SMARCA4: variants seen among roughly 807,000 people sequenced by gnomAD.
SMARCA4 encodes the protein SWI/SNF-related matrix-associated actin-dependent regulator of chromatin subfamily A member 4.
A neutral mutation model predicts 193.9 loss-of-function variants in SMARCA4; 31 were observed. The ratio of observed to expected loss-of-function variants is 0.16; its 90% CI spans 0.12 to 0.22. The LOEUF (loss-of-function observed/expected upper bound fraction) is 0.22, where lower values mean the gene tolerates loss of function less well. Among genes scored for constraint, SMARCA4 ranks in the 10% least tolerant of loss-of-function variants. The probability of loss-of-function intolerance (pLI) is 1.00; values close to 1 mark genes in which losing one functional copy is unlikely to be tolerated. For synonymous variants in SMARCA4, 942 were observed against 933.1 expected (o/e 1.01, Z -0.17); for missense variants, 1,148 against 2,296.0 (o/e 0.50, Z 10.22).
At chr19:11,037,351 C>G (rs2075326655) in intron 29 of SMARCA4, among the ~76,000 whole-genome samples, 2 of 152,188 alleles carry the variant, frequency 1.3e-5, no homozygotes, top group African/African-American at 4.8e-5. Context: ...TTCTAGCCAT[C>G]CCAGCACGTA....
chr19:11,008,423 G>T (rs1456643557), intron 14 of SMARCA4: 4 of 343,164 alleles, frequency 1.2e-5, no homozygotes, highest in Non-Finnish European at 2.3e-5. Context: ...CATATCTCCA[G>T]TGTACATTGG....
intron 11 of SMARCA4, among the ~76,000 whole-genome samples, chr19:11,001,958 G>T (rs1280098111): frequency 2.0e-5 from 3 of 151,890 alleles, no homozygotes; most frequent in African/African-American, 4.8e-5. Context: ...TAACAAAAAA[G>T]AATGAGGACC....
intron 13 of SMARCA4, among the ~76,000 whole-genome samples, chr19:11,003,983 A>G (rs1465091324): frequency 6.6e-6 from 1 of 151,802 alleles, no homozygotes; most frequent in Non-Finnish European, 1.5e-5. Flanking sequence ...AAGTGCTGGG[A>G]TTACAGACAT....
intron 6 of SMARCA4, among the ~76,000 whole-genome samples, chr19:10,988,550 C>T (rs2086269983): frequency 6.6e-6 from 1 of 152,210 alleles, no homozygotes; most frequent in African/African-American, 2.4e-5. Flanking sequence ...CTCTGTTCCT[C>T]TTTTCATTTA....
At chr19:11,046,825 G>A (rs538371559) in intron 30 of SMARCA4, among the ~76,000 whole-genome samples, 135 of 152,050 alleles carry the variant, frequency 8.9e-4, no homozygotes, top group Admixed American at 1.6e-3. Context: ...GCGTGGTGGT[G>A]CACTCCTGTT....
chr19:11,025,320 G>C, intron 21 of SMARCA4, 102 bp from the exon 22 acceptor site: 1 of 778,720 alleles, frequency 1.3e-6, no homozygotes, highest in Non-Finnish European at 2.3e-6. Context: ...TTCCCCACTA[G>C]AGCGTCCCCA....
At position 11,042,162 on chromosome 19, in the gene SMARCA4, C is replaced by G. The variant is rs566364211; in HGVS notation, c.4424+602C>G. Among the ~76,000 whole-genome samples the G allele has an allele frequency of 2.2e-4, 34 of 152,356 alleles. No homozygotes were observed. In the South Asian group the frequency reaches 7.0e-3, roughly 32 times the overall value. ...GAGATCGCTGTCCTCACAGACATGTCCTATATACGAGGCAGCATGCGGTTC... is the reference window on the plus strand; with the variant it reads ...GAGATCGCTGTCCTCACAGACATGTGCTATATACGAGGCAGCATGCGGTTC... On this transcript the variant is annotated intron_variant, in intron 30 of 34. Coordinates refer to ENST00000344626, the MANE Select transcript of SMARCA4 (RefSeq NM_003072.5).
chr19:11,056,534 G>C (rs2076557643), intron 30 of SMARCA4, among the ~76,000 whole-genome samples: 1 of 152,138 alleles, frequency 6.6e-6, no homozygotes. Flanking sequence ...CAGGCCAGGA[G>C]ATTCACTCCC....
At position 11,012,967 on chromosome 19, in the gene SMARCA4, C is replaced by T. The variant is rs1555774640; in HGVS notation, c.2293C>T (p.Leu765=). 6.2e-7 allele frequency: 1 copy of T among 1,614,052 alleles called. No homozygotes were observed. The highest frequency in any genetic ancestry group is 1.7e-5 in the Admixed American group (1 of 59,998). Residue 765 remains leucine, a synonymous_variant, in exon 16 of 35, where the codon CTG becomes TTG. Coordinates refer to ENST00000344626, the MANE Select transcript of SMARCA4 (RefSeq NM_003072.5). ...KQYQIKGLEW[L]VSLYNNNLNG... ...CTTGCAGATCAAAGGTTTGGAGTGG[C>T]TGGTGTCCCTGTACAACAACAACCT...
intron 19 of SMARCA4, 87 bp downstream of exon 19, chr19:11,022,054 G>A: frequency 6.3e-7 from 1 of 1,588,592 alleles, no homozygotes; most frequent in Non-Finnish European, 8.6e-7. Flanking sequence ...AGCTACAGCT[G>A]GCTGGGCCTG....
At position 10,995,672 on chromosome 19, in the gene SMARCA4, G is replaced by A. The variant is rs142682773; in HGVS notation, c.1594-541G>A. 1.6e-4 allele frequency: 59 copies of A among 371,344 alleles called. No homozygotes were observed. In the East Asian group the frequency reaches 2.9e-3, roughly 18 times the overall value. 23.0% of individuals were successfully genotyped at this position (371,344 alleles called of 1,614,324 possible). A position where few individuals can be genotyped will look rare whatever the true frequency, so the allele number is the denominator to read the frequency against. ...CAGGCAGCCATGTGCCAGGGCAGCCGGTAGCCCTGGGCTCCCAGAACAGCG... is the reference window on the plus strand; with the variant it reads ...CAGGCAGCCATGTGCCAGGGCAGCCAGTAGCCCTGGGCTCCCAGAACAGCG... On this transcript the variant is annotated intron_variant, in intron 9 of 34. Coordinates refer to ENST00000344626, the MANE Select transcript of SMARCA4 (RefSeq NM_003072.5).
intron 30 of SMARCA4, among the ~76,000 whole-genome samples, chr19:11,045,526 A>G (rs2075853486): frequency 6.6e-6 from 1 of 152,202 alleles, no homozygotes; most frequent in Non-Finnish European, 1.5e-5. Flanking sequence ...CACATGAGAT[A>G]TGTACACTTC....
At chr19:11,038,926 A>G (rs1427146483) in intron 29 of SMARCA4, among the ~76,000 whole-genome samples, 1 of 152,246 alleles carries the variant, frequency 6.6e-6, no homozygotes, top group African/African-American at 2.4e-5. Context: ...TAGCAACAAC[A>G]ATAAAAAAAG....
At chr19:11,018,325 G>A (rs1202909197) in intron 16 of SMARCA4, 2 of 192,452 alleles carry the variant, frequency 1.0e-5, no homozygotes, top group East Asian at 1.2e-4. Flanking sequence ...TAGGCTGTCG[G>A]TCTCAGGTGA....
intron 21 of SMARCA4, 145 bp from the exon 22 acceptor site, chr19:11,025,276 TC>T: frequency 1.5e-6 from 1 of 671,210 alleles, no homozygotes; most frequent in South Asian, 1.6e-5. Context: ...GCCTGCCATC[TC>T]CTCACTCCCA....
rs2146699677 is a variant in SMARCA4 at position 11,035,009 on chromosome 19, G to A, written c.4047G>A (p.Lys1349=). The A allele has an allele frequency of 6.2e-7, 1 of 1,611,944 alleles. No homozygotes were observed. The highest frequency in any genetic ancestry group is 8.5e-7 in the Non-Finnish European group (1 of 1,179,412). Residue 1349 remains lysine (K), a synonymous_variant, in exon 29 of 35, where the codon AAG becomes AAA. Transcript: ENST00000344626. ...EEDELPSWII[K]DDAEVERLTC... is the part of the protein sequence containing the mutation. ...ACGAGCTCCCCTCGTGGATCATCAA[G>A]GACGACGCGGAGGTGGAGCGGCTGA...
chr19:11,046,018 T>TC (rs2075886516), intron 30 of SMARCA4, among the ~76,000 whole-genome samples: 1 of 152,026 alleles, frequency 6.6e-6, no homozygotes, highest in Admixed American at 6.6e-5. Context: ...GGCCAGGAGA[T>TC]CAAGACCATG....
At chr19:11,007,284 G>A (rs2146175432) in intron 13 of SMARCA4, among the ~76,000 whole-genome samples, 1 of 152,246 alleles carries the variant, frequency 6.6e-6, no homozygotes, top group South Asian at 2.1e-4. Context: ...ACAAAAATTA[G>A]CCAGGCATGG....
chr19:10,997,330 C>T (rs1030594098), intron 11 of SMARCA4, among the ~76,000 whole-genome samples: 2 of 151,920 alleles, frequency 1.3e-5, no homozygotes, highest in African/African-American at 4.8e-5. Context: ...TCCCGAGTAG[C>T]TGGGACTACA....
Sources: gnomAD v4.1 joint callset for allele counts (sites outside exome capture counted in the v4.1 genomes callset) on GRCh38, gnomAD v4.1.1 for gene constraint, MANE v1.5 for transcripts, NCBI Gene and HGNC (gene_info 2026-07-23, HGNC 2026-07-21) for gene names.